SMPDL3B: variants seen among roughly 807,000 people sequenced by gnomAD.
SMPDL3B encodes sphingomyelin phosphodiesterase acid like 3B.
A neutral mutation model predicts 37.9 loss-of-function variants in SMPDL3B; 31 were observed. That is an observed-to-expected ratio of 0.82 (90% CI 0.61 to 1.10). The LOEUF (loss-of-function observed/expected upper bound fraction) is 1.10, where lower values mean the gene tolerates loss of function less well. Among genes scored for constraint, SMPDL3B ranks in the 50% least tolerant of loss-of-function variants. SMPDL3B has a pLI of 0.00. For missense variants in SMPDL3B, 525 were observed against 597.8 expected (o/e 0.88, Z 1.27); for synonymous variants, 235 against 242.6 (o/e 0.97, Z 0.29).
Position 27,958,386 on chromosome 1 carries a change from CT to C in SMPDL3B, c.1006-89del. The C allele has an allele frequency of 6.6e-7, 1 of 1,506,330 alleles. No individual in the cohort carries two copies. Among genetic ancestry groups the C allele is most frequent in the Non-Finnish European group, 8.9e-7 (1 of 1,122,858 alleles). The allele number at this position is 1,506,330 out of a possible 1,614,324, so 93.3% of individuals were successfully genotyped here. On this transcript the variant is annotated intron_variant, in intron 7 of 7. Transcript: ENST00000373894. This position sits in a 1 kb window ranked among gnomAD's most constrained non-coding sequence, Gnocchi z 5.6. ...ACTACTAGTGGTCATGGTCACTGCT[CT>C]AAAGAACTTGGGGGCAAATGCAAGG...
intron 7 of SMPDL3B, among the ~76,000 whole-genome samples, chr1:27,957,282 G>C (rs1419435704): frequency 6.6e-6 from 1 of 152,138 alleles, no homozygotes; most frequent in Admixed American, 6.5e-5. Flanking sequence ...AAAAGTGCCA[G>C]GTCCCAGATG....
At chr1:27,955,015 T>C (rs1290584080) in intron 5 of SMPDL3B, among the ~76,000 whole-genome samples, 1 of 152,224 alleles carries the variant, frequency 6.6e-6, no homozygotes, top group Non-Finnish European at 1.5e-5. Flanking sequence ...GAGCATGCAC[T>C]ATGCCAACAT....
chr1:27,945,199 C>A lies in SMPDL3B; in HGVS notation c.62-33C>A. On this transcript the variant is annotated intron_variant, in intron 1 of 7. Transcript: ENST00000373894. The surrounding 1 kb of genome is among the most constrained non-coding windows in gnomAD (Gnocchi z 4.0). ...CTTGCTTCCAGGCTGAGAGAGAGACCAGCTTTGAAGGAGGATGTTTTTTCC... is the reference window on the plus strand; with the variant it reads ...CTTGCTTCCAGGCTGAGAGAGAGACAAGCTTTGAAGGAGGATGTTTTTTCC... 1.9e-6 allele frequency: 3 copies of A among 1,606,398 alleles called. No individual in the cohort carries two copies. The highest frequency in any genetic ancestry group is 2.6e-6 in the Non-Finnish European group (3 of 1,173,388).
chr1:27,955,424 C>G (rs900006360), intron 5 of SMPDL3B, among the ~76,000 whole-genome samples: 1 of 152,130 alleles, frequency 6.6e-6, no homozygotes, highest in Non-Finnish European at 1.5e-5. Flanking sequence ...GGGAGGTGCT[C>G]TTTGAAGTGT....
chr1:27,937,580 G>A (rs1167517080), intron 1 of SMPDL3B, among the ~76,000 whole-genome samples: 1 of 152,170 alleles, frequency 6.6e-6, no homozygotes, highest in Non-Finnish European at 1.5e-5. Context: ...CCATTGTGTG[G>A]TGTGGGTTAT....
chr1:27,947,218 T>C (rs1035294752), intron 2 of SMPDL3B, among the ~76,000 whole-genome samples: 7 of 152,048 alleles, frequency 4.6e-5, no homozygotes, highest in African/African-American at 1.7e-4. Flanking sequence ...GTATTTTTAT[T>C]AGAGACAAGG....
In SMPDL3B at chr1:27,958,686, G is replaced by A. The variant is rs772317450; in HGVS notation, c.1216G>A (p.Asp406Asn). The change falls in exon 8 of 8, where the codon GAC (aspartate) becomes AAC (asparagine). Residue 406 changes from aspartate (D) to asparagine (N), a missense_variant. By Grantham distance (23) the Asp-to-Asn change is conservative. Transcript: ENST00000373894. The surrounding 1 kb of genome is among the most constrained non-coding windows in gnomAD (Gnocchi z 5.6). Reference protein sequence around the residue: ...NSVSYSAGVCDEACSMQHVCA... With the variant: ...NSVSYSAGVCNEACSMQHVCA... ...AGTCAGCTACTCTGCTGGGGTCTGC[G>A]ACGAGGCCTGCAGCATGCAGCACGT... 7 of 1,613,820 alleles carry A rather than the reference G, an allele frequency of 4.3e-6. No homozygotes were observed. The highest frequency in any genetic ancestry group is 4.0e-5 in the African/African-American group (3 of 74,934).
chr1:27,941,786 C>T (rs2090361413), intron 1 of SMPDL3B, among the ~76,000 whole-genome samples: 1 of 152,160 alleles, frequency 6.6e-6, no homozygotes, highest in Non-Finnish European at 1.5e-5. Flanking sequence ...GGAAGAGGCC[C>T]TGTGAGGAGA....
Position 27,954,531 on chromosome 1 carries a change from G to C in SMPDL3B, c.690+5G>C. The stretch of plus-strand genomic sequence containing the variant: ...GCATCCAAAGCTGGGGACATGGTAA[G>C]AGGCCCTGCTTCTTTCTTTTCTCAT... On this transcript the variant is annotated splice_donor_5th_base_variant and intron_variant, in intron 5 of 7. Coordinates refer to ENST00000373894, the MANE Select transcript of SMPDL3B (RefSeq NM_014474.4). 6.2e-7 allele frequency: 1 copy of C among 1,613,234 alleles called. No individual in the cohort carries two copies. Among genetic ancestry groups the C allele is most frequent in the Non-Finnish European group, 8.5e-7 (1 of 1,179,574 alleles).
intron 1 of SMPDL3B, 145 bp downstream of exon 1, chr1:27,935,389 G>A (rs2090298445): frequency 1.6e-6 from 1 of 630,974 alleles, no homozygotes; most frequent in South Asian, 2.0e-5. Context: ...AGAGCTAGTG[G>A]GCCTTAGCAA....
At position 27,945,471 on chromosome 1, in the gene SMPDL3B, C is replaced by A; in HGVS notation, c.275+26C>A. The A allele has an allele frequency of 6.3e-7, 1 of 1,592,814 alleles. No homozygotes were observed. The highest frequency in any genetic ancestry group is 8.6e-7 in the Non-Finnish European group (1 of 1,161,320). On this transcript the variant is annotated intron_variant, in intron 2 of 7. Transcript: ENST00000373894. The surrounding 1 kb of genome is among the most constrained non-coding windows in gnomAD (Gnocchi z 4.0). Reference sequence around the variant, plus strand: ...GTGAGTACAGTTGAGGTGGCAGCTACCCTTTGCCAGGCATCTGCTATGTGC... The same window carrying A: ...GTGAGTACAGTTGAGGTGGCAGCTAACCTTTGCCAGGCATCTGCTATGTGC...
chr1:27,937,363 G>T (rs961328363), intron 1 of SMPDL3B, among the ~76,000 whole-genome samples: 1 of 152,252 alleles, frequency 6.6e-6, no homozygotes, highest in Non-Finnish European at 1.5e-5. Flanking sequence ...CCAGGGCTGA[G>T]GGAGCAGGAC....
At chr1:27,946,156 C>T (rs2090405188) in intron 2 of SMPDL3B, among the ~76,000 whole-genome samples, 1 of 151,950 alleles carries the variant, frequency 6.6e-6, no homozygotes, top group Non-Finnish European at 1.5e-5. Context: ...AGTTTGAGAC[C>T]ATCCTGGCCA....
rs758755619 is a variant in SMPDL3B, at chr1:27,945,222, T to A, written c.62-10T>A. On this transcript the variant is annotated splice_polypyrimidine_tract_variant and intron_variant, in intron 1 of 7. Coordinates refer to ENST00000373894, the MANE Select transcript of SMPDL3B (RefSeq NM_014474.4). The surrounding 1 kb of genome is among the most constrained non-coding windows in gnomAD (Gnocchi z 4.0). Reference sequence around the variant, plus strand: ...ACCAGCTTTGAAGGAGGATGTTTTTTCCCCTGCAGGGAAGTTCTGGCACAT... The same window carrying A: ...ACCAGCTTTGAAGGAGGATGTTTTTACCCCTGCAGGGAAGTTCTGGCACAT... 1 of 1,613,674 alleles carries A rather than the reference T, an allele frequency of 6.2e-7. No homozygotes were observed. Among genetic ancestry groups the A allele is most frequent in the Admixed American group, 1.7e-5 (1 of 59,996 alleles).
intron 4 of SMPDL3B, among the ~76,000 whole-genome samples, chr1:27,954,095 T>G (rs2148680470): frequency 6.6e-6 from 1 of 152,334 alleles, no homozygotes; most frequent in Admixed American, 6.5e-5. Context: ...TTAGTCTCAC[T>G]ATGCAGATAA....
rs763660292 is a variant in SMPDL3B, at chr1:27,955,717, T to G, written c.724T>G (p.Phe242Val). Residue 242 changes from phenylalanine (F) to valine (V), a missense_variant, in exon 6 of 8, where the codon TTT becomes GTT. Transcript: ENST00000373894. ...YIVGHVPPGF[F>V]EKTQNKAWFR... ...TGTCGGCCACGTGCCCCCGGGGTTCTTTGAGAAGACGCAAAACAAGGCATG... is the reference window on the plus strand; with the variant it reads ...TGTCGGCCACGTGCCCCCGGGGTTCGTTGAGAAGACGCAAAACAAGGCATG... 1.9e-6 allele frequency: 3 copies of G among 1,614,104 alleles called. No individual in the cohort carries two copies. The East Asian group carries it at 6.7e-5, about 36-fold the overall frequency.
chr1:27,939,702 TC>T (rs2090341223), intron 1 of SMPDL3B, among the ~76,000 whole-genome samples: 1 of 152,112 alleles, frequency 6.6e-6, no homozygotes. Flanking sequence ...GTGCCTGTAG[TC>T]CCAGCTACTT....
chr1:27,941,813 G>A (rs1489193512), intron 1 of SMPDL3B, among the ~76,000 whole-genome samples: 2 of 152,174 alleles, frequency 1.3e-5, no homozygotes, highest in African/African-American at 4.8e-5. Flanking sequence ...TTGGCTGAGG[G>A]TGGTGGGTTG....
chr1:27,957,319 T>A (rs1176737081), intron 7 of SMPDL3B, among the ~76,000 whole-genome samples: 1 of 151,590 alleles, frequency 6.6e-6, no homozygotes, highest in Admixed American at 6.6e-5. Context: ...TTTGCTAGAG[T>A]GGATATGAGC....
Sources: gnomAD v4.1 joint callset for allele counts (sites outside exome capture counted in the v4.1 genomes callset) on GRCh38, gnomAD v4.1.1 for gene constraint, Gnocchi (gnomAD v3.1) non-coding constraint, MANE v1.5 for transcripts, NCBI Gene and HGNC (gene_info 2026-07-23, HGNC 2026-07-21) for gene names.